PRELID2: variants seen among roughly 807,000 people sequenced by gnomAD.
The protein encoded by PRELID2 is PRELI domain containing 2.
In PRELID2, 25 loss-of-function variants were observed where a neutral mutation model predicts 28.4. The ratio of observed to expected loss-of-function variants is 0.88; its 90% CI spans 0.64 to 1.23. The LOEUF (loss-of-function observed/expected upper bound fraction) is 1.23, where lower values mean the gene tolerates loss of function less well. Among genes scored for constraint, PRELID2 ranks in the 50% most tolerant of loss-of-function variants. The pLI is 0.00. For synonymous variants in PRELID2, 76 were observed against 71.6 expected (o/e 1.06, Z -0.31); for missense variants, 201 against 214.4 (o/e 0.94, Z 0.39).
At chr5:145,326,152 G>A in the PRELID2 span, among the ~76,000 whole-genome samples, 1 of 152,176 alleles carries the variant, frequency 6.6e-6, no homozygotes, top group Non-Finnish European at 1.5e-5. Flanking sequence ...CTACAGGCAT[G>A]TGCCACCATA....
intron 1 of PRELID2, among the ~76,000 whole-genome samples, chr5:145,619,237 T>G (rs1753741471): frequency 6.6e-6 from 1 of 152,172 alleles, no homozygotes; most frequent in African/African-American, 2.4e-5. Context: ...AGTTCAAAGT[T>G]CAAAAGCTAC....
At chr5:145,694,816 A>C (rs1243555537) in intron 1 of PRELID2, among the ~76,000 whole-genome samples, 1 of 152,186 alleles carries the variant, frequency 6.6e-6, no homozygotes, top group Non-Finnish European at 1.5e-5. Context: ...AAAAAAAGGA[A>C]AGAGTGGCAG....
At chr5:145,244,859 T>C in the PRELID2 span, among the ~76,000 whole-genome samples, 1 of 152,108 alleles carries the variant, frequency 6.6e-6, no homozygotes, top group East Asian at 1.9e-4. Context: ...CAGTTCTACC[T>C]AGAATAAAAT....
chr5:145,710,753 G>T (rs79927003), intron 1 of PRELID2, among the ~76,000 whole-genome samples: 79 of 152,314 alleles, frequency 5.2e-4, no homozygotes, highest in South Asian at 3.1e-3. Context: ...TCATCTGCAT[G>T]CCAAGTAGCA....
At chr5:145,827,500 G>A (rs183513765) in intron 1 of PRELID2, among the ~76,000 whole-genome samples, 2 of 152,148 alleles carry the variant, frequency 1.3e-5, no homozygotes, top group Non-Finnish European at 2.9e-5. Context: ...TGAGGTCGGG[G>A]TGATGAACCA....
the PRELID2 span, among the ~76,000 whole-genome samples, chr5:145,315,549 T>TGTGTGTGTGC: frequency 3.6e-5 from 2 of 56,078 alleles, no homozygotes; most frequent in African/African-American, 1.4e-4. Flanking sequence ...TTTCAGGGTG[T>TGTGTGTGTGC]GTGTGTGTGT....
the PRELID2 span, among the ~76,000 whole-genome samples, chr5:145,230,541 G>A: frequency 2.6e-5 from 4 of 151,688 alleles, no homozygotes; most frequent in Admixed American, 1.3e-4. Context: ...ATTAAGCCAC[G>A]GCACTCCAGC....
the PRELID2 span, among the ~76,000 whole-genome samples, chr5:145,416,215 T>C: frequency 2.6e-5 from 4 of 152,136 alleles, no homozygotes; most frequent in African/African-American, 7.2e-5. Context: ...GCTAGCCATA[T>C]GTAGAAAGCT....
the PRELID2 span, among the ~76,000 whole-genome samples, chr5:145,302,973 AC>A: frequency 6.6e-6 from 1 of 152,166 alleles, no homozygotes; most frequent in Non-Finnish European, 1.5e-5. Flanking sequence ...TATCTCCTCT[AC>A]CTGATCTTTT....
At chr5:145,285,394 C>T in the PRELID2 span, among the ~76,000 whole-genome samples, 1 of 152,024 alleles carries the variant, frequency 6.6e-6, no homozygotes. Flanking sequence ...CCGAAGCTCC[C>T]CCGCTCCGCC....
chr5:145,355,928 A>G, the PRELID2 span, among the ~76,000 whole-genome samples: 1 of 152,174 alleles, frequency 6.6e-6, no homozygotes, highest in Non-Finnish European at 1.5e-5. Flanking sequence ...AATAATTAAT[A>G]ATTATCAAGG....
intron 1 of PRELID2, among the ~76,000 whole-genome samples, chr5:145,656,294 A>T (rs1685629602): frequency 1.3e-5 from 2 of 152,176 alleles, no homozygotes; most frequent in Admixed American, 1.3e-4. Context: ...ATGCTTTTAC[A>T]CTGTTGGTCG....
intron 1 of PRELID2, among the ~76,000 whole-genome samples, chr5:145,725,413 T>C (rs768412337): frequency 7.9e-5 from 12 of 152,204 alleles, no homozygotes; most frequent in African/African-American, 7.2e-5. Context: ...GAAACCAGTA[T>C]AGCCATTCCA....
chr5:145,448,037 G>C, the PRELID2 span, among the ~76,000 whole-genome samples: 1 of 152,080 alleles, frequency 6.6e-6, no homozygotes, highest in African/African-American at 2.4e-5. Context: ...GATCCCTGAG[G>C]AATCACCACA....
At chr5:145,339,990 G>C in the PRELID2 span, among the ~76,000 whole-genome samples, 1 of 151,968 alleles carries the variant, frequency 6.6e-6, no homozygotes, top group Non-Finnish European at 1.5e-5. Flanking sequence ...CACTCTCCAT[G>C]ACTACCTGCC....
At chr5:145,712,965 G>C (rs1329734136) in intron 1 of PRELID2, among the ~76,000 whole-genome samples, 2 of 151,858 alleles carry the variant, frequency 1.3e-5, no homozygotes, top group East Asian at 3.9e-4. Flanking sequence ...GGTCAGTCAA[G>C]CTAAAGATAG....
chr5:145,382,855 C>G, the PRELID2 span, among the ~76,000 whole-genome samples: 1 of 151,196 alleles, frequency 6.6e-6, no homozygotes, highest in Non-Finnish European at 1.5e-5. Flanking sequence ...CCTCCAGAAT[C>G]TAAAATAAAA....
the PRELID2 span, among the ~76,000 whole-genome samples, chr5:145,292,159 A>G: frequency 0.011 from 1,660 of 152,218 alleles, 34 homozygotes; most frequent in African/African-American, 0.039. Flanking sequence ...ATTCATAATC[A>G]TTTTCTTATT....
At chr5:145,390,207 TAGA>T in the PRELID2 span, among the ~76,000 whole-genome samples, 1 of 152,216 alleles carries the variant, frequency 6.6e-6, no homozygotes, top group African/African-American at 2.4e-5. Flanking sequence ...CATGAAGGAT[TAGA>T]AGAACTCTGC....
Sources: gnomAD v4.1 joint callset for allele counts (sites outside exome capture counted in the v4.1 genomes callset) on GRCh38, gnomAD v4.1.1 for gene constraint, MANE v1.5 for transcripts, NCBI Gene and HGNC (gene_info 2026-07-23, HGNC 2026-07-21) for gene names.